KYAT1: variants seen among roughly 807,000 people sequenced by gnomAD.
KYAT1 encodes the protein kynurenine aminotransferase 1, also known as kynurenine--oxoglutarate transaminase 1.
In KYAT1, 47 loss-of-function variants were observed where a neutral mutation model predicts 52.4. The ratio of observed to expected loss-of-function variants is 0.90; its 90% confidence interval spans 0.71 to 1.14. The LOEUF (loss-of-function observed/expected upper bound fraction) is 1.14. KYAT1 is among the 50% of genes most tolerant of loss of function. KYAT1 has a pLI of 0.00. For missense variants in KYAT1, 480 were observed against 557.9 expected (o/e 0.86, Z 1.41); for synonymous variants, 212 against 209.6 (o/e 1.01, Z -0.10).
intron 1 of KYAT1, among the ~76,000 whole-genome samples, chr9:128,856,465 A>G (rs1418019693): frequency 1.3e-5 from 2 of 152,236 alleles, no homozygotes; most frequent in Admixed American, 6.5e-5. Flanking sequence ...ACGGCAAAGA[A>G]AGAGAGATCA....
intron 1 of KYAT1, among the ~76,000 whole-genome samples, chr9:128,878,238 G>T (rs952580116): frequency 6.6e-6 from 1 of 151,894 alleles, no homozygotes; most frequent in Admixed American, 6.6e-5. Context: ...AGTTTCAAGC[G>T]ATTCTTGTAC....
At chr9:128,874,146 C>T (rs942087288) in intron 1 of KYAT1, among the ~76,000 whole-genome samples, 4 of 151,342 alleles carry the variant, frequency 2.6e-5, no homozygotes, top group African/African-American at 9.7e-5. Context: ...ATCCCAGCTA[C>T]TCAGGAGGCT....
chr9:128,867,924 C>G (rs1049375432), intron 1 of KYAT1, among the ~76,000 whole-genome samples: 2 of 152,116 alleles, frequency 1.3e-5, no homozygotes, highest in African/African-American at 4.8e-5. Context: ...AGGTGCCCAC[C>G]ACCACGCCCA....
intron 1 of KYAT1, among the ~76,000 whole-genome samples, chr9:128,859,595 A>G (rs1027079747): frequency 6.6e-6 from 1 of 151,276 alleles, no homozygotes; most frequent in Admixed American, 6.6e-5. Flanking sequence ...GCTTGAACCC[A>G]GGAGGTGGAG....
chr9:128,868,380 A>AT (rs1303699783), intron 1 of KYAT1, among the ~76,000 whole-genome samples: 5 of 149,590 alleles, frequency 3.3e-5, no homozygotes, highest in East Asian at 2.0e-4. Context: ...TGGCCCACTG[A>AT]TTTTTTTTTC....
intron 1 of KYAT1, among the ~76,000 whole-genome samples, chr9:128,864,315 G>A (rs905682563): frequency 2.2e-5 from 3 of 139,226 alleles, no homozygotes; most frequent in Admixed American, 8.1e-5. Flanking sequence ...GTAGTGAGCC[G>A]AGATTGCGCC....
At position 128,838,453 on chromosome 9, in the gene KYAT1, C is replaced by T; in HGVS notation, c.202-86G>A. The T allele has an allele frequency of 4.6e-6, 7 of 1,533,222 alleles. No individual in the cohort carries two copies. The Admixed American group carries it at 1.2e-4, about 27-fold the overall frequency. 95.0% of individuals were successfully genotyped at this position (1,533,222 alleles called of 1,614,324 possible). A position where few individuals can be genotyped will look rare whatever the true frequency, so the allele number is the denominator to read the frequency against. ...GTATCCAGGCAATTCTAGCACCTTC[C>T]AGCAGCAGGCCTGGGGGCAAAGTCA... On this transcript the variant is annotated intron_variant, in intron 3 of 12. Transcript: ENST00000302586.
chr9:128,845,246 CTG>C, intron 2 of KYAT1, 105 bp downstream of exon 2: 1 of 824,214 alleles, frequency 1.2e-6, no homozygotes, highest in Non-Finnish European at 2.0e-6. Context: ...ATCTGGCAGT[CTG>C]TGTACCGCCA....
intron 1 of KYAT1, among the ~76,000 whole-genome samples, chr9:128,880,487 G>C (rs1015826878): frequency 6.6e-6 from 1 of 151,552 alleles, no homozygotes; most frequent in African/African-American, 2.4e-5. Flanking sequence ...TGTTGCCCAG[G>C]CTGAAGTGCA....
intron 1 of KYAT1, chr9:128,845,649 G>A: frequency 3.7e-6 from 2 of 534,428 alleles, no homozygotes; most frequent in Non-Finnish European, 6.7e-6. Context: ...CCAACCTGCA[G>A]GGGCTGCCTG....
Position 128,845,372 on chromosome 9 carries a change from C to A in KYAT1, c.34G>T (p.Gly12Trp), listed in dbSNP as rs1346508924. 2 of 1,613,888 alleles carry A rather than the reference C, an allele frequency of 1.2e-6. No homozygotes were observed. Among genetic ancestry groups the A allele is most frequent in the Non-Finnish European group, 1.7e-6 (2 of 1,179,980 alleles). Residue 12 changes from glycine (G) to tryptophan (W), a missense_variant, in exon 2 of 13, where the codon GGG (glycine) becomes TGG (tryptophan). Gly to Trp is a radical substitution (Grantham distance 184). Transcript: ENST00000302586. ...AKQLQARRLD[G>W]IDYNPWVEFV... The stretch of plus-strand genomic sequence containing the variant: ...GCTCACCAGGGGTTGTAGTCGATCC[C>A]GTCTAGCCTTCGGGCCTGCAGCTGT...
chr9:128,873,116 G>T (rs569393416), intron 1 of KYAT1, among the ~76,000 whole-genome samples: 1 of 149,740 alleles, frequency 6.7e-6, no homozygotes, highest in South Asian at 2.1e-4. Flanking sequence ...CTTAAATTGT[G>T]CAAAGAGAAC....
chr9:128,846,441 CAAA>C (rs774498847), intron 1 of KYAT1, among the ~76,000 whole-genome samples: 1 of 151,198 alleles, frequency 6.6e-6, no homozygotes, highest in Admixed American at 6.6e-5. Context: ...GAAAAACAAA[CAAA>C]GAAACTTATC....
chr9:128,861,369 T>C (rs944689159), intron 1 of KYAT1, among the ~76,000 whole-genome samples: 3 of 152,212 alleles, frequency 2.0e-5, no homozygotes, highest in African/African-American at 7.2e-5. Flanking sequence ...TTTTCCCCCT[T>C]TGCTCAGCAG....
chr9:128,839,952 G>A (rs987659007), intron 3 of KYAT1, among the ~76,000 whole-genome samples: 4 of 152,182 alleles, frequency 2.6e-5, no homozygotes, highest in African/African-American at 9.7e-5. Flanking sequence ...AGGTACTCGG[G>A]AGGCTGAGGC....
chr9:128,855,125 T>C (rs550328402), intron 1 of KYAT1, among the ~76,000 whole-genome samples: 10 of 152,232 alleles, frequency 6.6e-5, no homozygotes, highest in Non-Finnish European at 1.2e-4. Flanking sequence ...TTGGGAAAAA[T>C]ATGTGGCTGA....
chr9:128,874,179 C>G (rs1166714243), intron 1 of KYAT1, among the ~76,000 whole-genome samples: 1 of 151,620 alleles, frequency 6.6e-6, no homozygotes, highest in East Asian at 2.0e-4. Context: ...TCGCTTGAAC[C>G]CAGGAGGCAG....
intron 1 of KYAT1, among the ~76,000 whole-genome samples, chr9:128,848,986 A>G (rs1833531454): frequency 6.6e-6 from 1 of 151,904 alleles, no homozygotes; most frequent in South Asian, 2.1e-4. Flanking sequence ...GTGGTGGCAC[A>G]TGACTGTAGT....
intron 1 of KYAT1, among the ~76,000 whole-genome samples, chr9:128,868,722 T>G (rs1440454774): frequency 6.8e-6 from 1 of 147,022 alleles, no homozygotes; most frequent in Non-Finnish European, 1.5e-5. Flanking sequence ...TTTTTTTTTT[T>G]TTGAGATGGA....
Sources: allele counts gnomAD v4.1 joint callset (sites outside exome capture counted in the v4.1 genomes callset), GRCh38; gene constraint gnomAD v4.1.1; transcripts MANE v1.5; gene names NCBI Gene and HGNC (gene_info 2026-07-23, HGNC 2026-07-21).